Variants in TSPEAR observed in about 807,000 individuals in gnomAD.
TSPEAR encodes the protein thrombospondin type laminin G domain and EAR repeats, also known as thrombospondin-type laminin G domain and EAR repeat-containing protein.
In TSPEAR, 69 loss-of-function variants were observed where a neutral mutation model predicts 71.6. That is an observed-to-expected ratio of 0.96 (90% CI 0.79 to 1.18). The LOEUF is 1.18. TSPEAR is among the 50% of genes most tolerant of loss of function. The probability of loss-of-function intolerance (pLI) is 0.00; values close to 1 mark genes in which losing one functional copy is unlikely to be tolerated. For synonymous variants in TSPEAR, 402 were observed against 387.2 expected, an observed-to-expected ratio of 1.04 and a Z score of -0.45; for missense variants, 971 against 894.9, an observed-to-expected ratio of 1.09 and a Z score of -1.09.
intron 1 of TSPEAR, among the ~76,000 whole-genome samples, chr21:44,597,076 C>T (rs1430519836): frequency 6.6e-6 from 1 of 152,052 alleles, no homozygotes; most frequent in African/African-American, 2.4e-5. Flanking sequence ...TTTTCTTTCC[C>T]TTCCTATCAT....
intron 1 of TSPEAR, chr21:44,646,843 C>A: frequency 1.3e-6 from 2 of 1,575,852 alleles, no homozygotes; most frequent in Non-Finnish European, 1.7e-6. Flanking sequence ...GTGCTGCCGG[C>A]AGTCTAGCTG....
rs373468189 is a variant in TSPEAR at position 44,616,664 on chromosome 21, C to T, written c.83-48659G>A. On this transcript the variant is annotated intron_variant, in intron 1 of 11. Coordinates refer to ENST00000323084, the MANE Select transcript of TSPEAR (RefSeq NM_144991.3). ...ACCCGAGACCCTGCCCTGGTCAGCA[C>T]CCAATTCGAGAGCTCTGCTCAGCAG... Among the ~76,000 whole-genome samples the T allele has an allele frequency of 5.3e-5, 8 of 152,364 alleles. 1 individual carries two copies. The highest frequency in any genetic ancestry group is 1.3e-4 in the Admixed American group (2 of 15,308).
chr21:44,576,045 T>C (rs1361604003), intron 1 of TSPEAR, among the ~76,000 whole-genome samples: 1 of 152,216 alleles, frequency 6.6e-6, no homozygotes, highest in African/African-American at 2.4e-5. Flanking sequence ...TTAAAAATTA[T>C]ATTTGGAATA....
At chr21:44,575,264 T>C (rs457322) in intron 1 of TSPEAR, 520,372 of 556,840 alleles carry the variant, frequency 0.93, 244,622 homozygotes, top group Non-Finnish European at 0.97. Context: ...TGAGGGTCAG[T>C]TCAGCCTTGA....
At chr21:44,539,822 C>T in intron 2 of TSPEAR, 1 of 1,576,040 alleles carries the variant, frequency 6.3e-7, no homozygotes, top group Non-Finnish European at 8.6e-7. Flanking sequence ...GGTGGGCAGG[C>T]AGCACACAGG....
At chr21:44,617,090 T>G (rs1982150098) in intron 1 of TSPEAR, among the ~76,000 whole-genome samples, 2 of 152,028 alleles carry the variant, frequency 1.3e-5, no homozygotes, top group African/African-American at 2.4e-5. Flanking sequence ...CTCACCTCAC[T>G]CACCCACTCA....
intron 1 of TSPEAR, among the ~76,000 whole-genome samples, chr21:44,620,545 T>A (rs1954805971): frequency 6.6e-6 from 1 of 152,278 alleles, no homozygotes; most frequent in Admixed American, 6.5e-5. Context: ...CGATTTTAGT[T>A]ATTTGAATCT....
chr21:44,593,748 C>G lies in TSPEAR; in HGVS notation c.83-25743G>C, dbSNP rs1486881057. Among the ~76,000 whole-genome samples, 45 of 152,230 alleles carry G rather than the reference C, an allele frequency of 3.0e-4. No individual in the cohort carries two copies. The highest frequency in any genetic ancestry group is 1.9e-4 in the Non-Finnish European group (13 of 68,040). On this transcript the variant is annotated intron_variant, in intron 1 of 11. Transcript: ENST00000323084. The surrounding 1 kb of genome is among the most constrained non-coding windows in gnomAD (Gnocchi z 5.9). ...CCAGGCAAGGGACAAGCCGCGTGCCCTACACTGAGAGGACGGACTCTGCTC... is the reference window on the plus strand; with the variant it reads ...CCAGGCAAGGGACAAGCCGCGTGCCGTACACTGAGAGGACGGACTCTGCTC...
At chr21:44,616,251 C>T (rs782145946) in intron 1 of TSPEAR, among the ~76,000 whole-genome samples, 1 of 152,238 alleles carries the variant, frequency 6.6e-6, no homozygotes, top group Non-Finnish European at 1.5e-5. Flanking sequence ...CAGCAGGGAA[C>T]AAACCCCAGG....
At chr21:44,694,388 T>C (rs1987242588) in intron 1 of TSPEAR, among the ~76,000 whole-genome samples, 1 of 152,164 alleles carries the variant, frequency 6.6e-6, no homozygotes, top group South Asian at 2.1e-4. Context: ...GAAAGTAGAA[T>C]AGAAGTGACC....
chr21:44,573,598 G>A, intron 1 of TSPEAR: 1 of 1,238,706 alleles, frequency 8.1e-7, no homozygotes, highest in Non-Finnish European at 1.1e-6. Flanking sequence ...GGAGCTGGCT[G>A]TACACCCCAA....
chr21:44,507,785 T>C (rs2052237451), intron 10 of TSPEAR, among the ~76,000 whole-genome samples: 1 of 152,234 alleles, frequency 6.6e-6, no homozygotes, highest in African/African-American at 2.4e-5. Context: ...GTTCTCGGCG[T>C]TGACATTGGA....
chr21:44,689,708 AATGAATATATATATATATATAT>A (rs1987029705), intron 1 of TSPEAR, among the ~76,000 whole-genome samples: 3 of 38,488 alleles, frequency 7.8e-5, no homozygotes, highest in Non-Finnish European at 9.8e-5. Flanking sequence ...GACAGAATAG[AATGAATATATATATATATATAT>A]ATATATATAT....
intron 1 of TSPEAR, among the ~76,000 whole-genome samples, chr21:44,576,249 G>A (rs1324542434): frequency 6.6e-6 from 1 of 152,160 alleles, no homozygotes; most frequent in East Asian, 1.9e-4. Context: ...TCACAGTCCC[G>A]GAGTGGAAGG....
rs1354393634 is a variant in TSPEAR at position 44,711,080 on chromosome 21, C to G, written c.82+353G>C. On this transcript the variant is annotated intron_variant, in intron 1 of 11. Coordinates refer to ENST00000323084, the MANE Select transcript of TSPEAR (RefSeq NM_144991.3). This position sits in a 1 kb window ranked among gnomAD's most constrained non-coding sequence, Gnocchi z 4.5. ...TGCACAGTAGCCTCCCGGGCTGCTGCGACTTCATTCTTCATTCCCAAAGCA... is the reference window on the plus strand; with the variant it reads ...TGCACAGTAGCCTCCCGGGCTGCTGGGACTTCATTCTTCATTCCCAAAGCA... Among the ~76,000 whole-genome samples the G allele has an allele frequency of 6.6e-6, 1 of 152,212 alleles. No individual in the cohort carries two copies. The highest frequency in any genetic ancestry group is 1.5e-5 in the Non-Finnish European group (1 of 68,040).
intron 1 of TSPEAR, chr21:44,574,592 T>C: frequency 1.5e-6 from 2 of 1,299,684 alleles, no homozygotes; most frequent in Non-Finnish European, 2.1e-6. Context: ...GCTGCAAGCC[T>C]GTGTGCTGCA....
chr21:44,512,407 G>A (rs2052416295), intron 9 of TSPEAR, among the ~76,000 whole-genome samples: 1 of 152,060 alleles, frequency 6.6e-6, no homozygotes, highest in South Asian at 2.1e-4. Flanking sequence ...ACAGGCTTCT[G>A]GAGACCCCTC....
At chr21:44,537,639 T>C (rs1390202825) in intron 2 of TSPEAR, among the ~76,000 whole-genome samples, 5 of 152,168 alleles carry the variant, frequency 3.3e-5, no homozygotes, top group African/African-American at 9.7e-5. Flanking sequence ...ACAAGTCATA[T>C]CAGCAAATGG....
At chr21:44,543,218 A>G (rs1555917403) in intron 2 of TSPEAR, among the ~76,000 whole-genome samples, 1 of 152,238 alleles carries the variant, frequency 6.6e-6, no homozygotes, top group Non-Finnish European at 1.5e-5. Flanking sequence ...AAAGAAGAAC[A>G]CATGGGGAAA....
Sources: gnomAD v4.1 joint callset for allele counts (sites outside exome capture counted in the v4.1 genomes callset) on GRCh38, gnomAD v4.1.1 for gene constraint, Gnocchi (gnomAD v3.1) non-coding constraint, MANE v1.5 for transcripts, NCBI Gene and HGNC (gene_info 2026-07-23, HGNC 2026-07-21) for gene names.